Variants in TP73 observed in about 807,000 individuals in gnomAD.
TP73 encodes tumor protein p73, also known as p53-like transcription factor.
In TP73, 25 loss-of-function variants were observed where a neutral mutation model predicts 62.5. That is an observed-to-expected ratio of 0.40 (90% CI 0.29 to 0.56). The LOEUF (loss-of-function observed/expected upper bound fraction) is 0.56, where lower values mean the gene tolerates loss of function less well. Ranked by LOEUF, TP73 falls within the 20% of genes least tolerant of loss-of-function variation. The probability of loss-of-function intolerance (pLI) is 0.46; values close to 1 mark genes in which losing one functional copy is unlikely to be tolerated. For missense variants in TP73, 754 were observed against 913.3 expected (o/e 0.83, Z 2.25); for synonymous variants, 423 against 377.5 (o/e 1.12, Z -1.40).
At chr1:3,690,747 C>A in intron 3 of TP73, 1 of 1,452,732 alleles carries the variant, frequency 6.9e-7, no homozygotes, top group South Asian at 1.4e-5. Flanking sequence ...TGTTCCCCAG[C>A]ATCCTCGGCT....
intron 1 of TP73, among the ~76,000 whole-genome samples, chr1:3,673,921 T>C (rs981564756): frequency 3.9e-5 from 6 of 152,068 alleles, no homozygotes; most frequent in Non-Finnish European, 8.8e-5. Flanking sequence ...GGCCCGTGCC[T>C]CCCTTGCTCA....
intron 3 of TP73, chr1:3,697,945 A>G: frequency 3.5e-6 from 1 of 281,886 alleles, no homozygotes; most frequent in Non-Finnish European, 5.4e-6. Context: ...GGGCCATCGG[A>G]GGTGGCACGC....
intron 3 of TP73, among the ~76,000 whole-genome samples, chr1:3,698,564 C>G (rs537759879): frequency 6.6e-6 from 1 of 152,074 alleles, no homozygotes; most frequent in Non-Finnish European, 1.5e-5. Flanking sequence ...GAGCGGGATC[C>G]GGGAGGCAGG....
chr1:3,732,541 A>G (rs1041574039), intron 13 of TP73, among the ~76,000 whole-genome samples: 5 of 150,286 alleles, frequency 3.3e-5, no homozygotes, highest in African/African-American at 1.2e-4. Context: ...AGGGGGCTCC[A>G]TGTCTAACAC....
At chr1:3,727,502 T>C in intron 7 of TP73, 126 bp from the exon 8 acceptor site, 1 of 1,353,362 alleles carries the variant, frequency 7.4e-7, no homozygotes, top group Non-Finnish European at 1.0e-6. Context: ...CTGCCGGCAC[T>C]GGGTGCTCTG....
rs949044042 is a variant in TP73, at chr1:3,728,202, C to T, written c.1059C>T (p.Asp353=). The part of the protein sequence containing the change: ...GVKKRRHGDE[D]TYYLQVRGRE... The stretch of plus-strand genomic sequence containing the variant: ...AGAAGCGGCGGCATGGAGACGAGGA[C>T]ACGTACTACCTTCAGGTGAGTGTGT... Residue 353 remains aspartate (D), a synonymous_variant, in exon 9 of 14, where the codon GAC becomes GAT. Transcript: ENST00000378295. 13 of 1,611,818 alleles carry T rather than the reference C, an allele frequency of 8.1e-6. No homozygotes were observed. Among genetic ancestry groups the T allele is most frequent in the Non-Finnish European group, 1.0e-5 (12 of 1,179,966 alleles).
chr1:3,684,714 G>A (rs999611225), intron 3 of TP73, among the ~76,000 whole-genome samples: 5 of 152,130 alleles, frequency 3.3e-5, no homozygotes, highest in Non-Finnish European at 7.4e-5. Flanking sequence ...CCTCCGAGGA[G>A]CCCCTCAGCC....
At chr1:3,684,526 G>A (rs571357162) in intron 3 of TP73, among the ~76,000 whole-genome samples, 117 of 152,320 alleles carry the variant, frequency 7.7e-4, no homozygotes, top group African/African-American at 2.7e-3. Flanking sequence ...AGCACTGGAG[G>A]GAGTGGGGGC....
chr1:3,691,717 C>T (rs12126706), intron 3 of TP73, among the ~76,000 whole-genome samples: 38,469 of 152,102 alleles, frequency 0.25, 5,156 homozygotes, highest in South Asian at 0.33. Flanking sequence ...CACGTGGGGC[C>T]GTTCCTCCTC....
intron 1 of TP73, among the ~76,000 whole-genome samples, chr1:3,653,355 C>A (rs1009936661): frequency 6.6e-6 from 1 of 152,112 alleles, no homozygotes; most frequent in African/African-American, 2.4e-5. Flanking sequence ...GCTCCTGGGC[C>A]GCCTCCTCCT....
intron 1 of TP73, among the ~76,000 whole-genome samples, chr1:3,657,660 C>T (rs774632630): frequency 6.6e-6 from 1 of 152,210 alleles, no homozygotes; most frequent in Non-Finnish European, 1.5e-5. Flanking sequence ...GGGGCCATGG[C>T]GCAAACGGGG....
rs1345301141 is a variant in TP73, at chr1:3,735,793, C to G, written c.*2714C>G. On this transcript the variant is annotated 3_prime_UTR_variant, in exon 14 of 14. Transcript: ENST00000378295. ...GGCAGAAGGAGCTCGCCAGGCAGGTCAGCTCACATCTGTCCAAGTCGCTCT... is the reference window on the plus strand; with the variant it reads ...GGCAGAAGGAGCTCGCCAGGCAGGTGAGCTCACATCTGTCCAAGTCGCTCT... 1.3e-5 allele frequency: 2 copies of G among 152,170 alleles called. No homozygotes were observed. The highest frequency in any genetic ancestry group is 4.8e-5 in the African/African-American group (2 of 41,436). 9.4% of individuals were successfully genotyped at this position (152,170 alleles called of 1,614,324 possible). A position where few individuals can be genotyped will look rare whatever the true frequency, so the allele number is the denominator to read the frequency against.
rs1192597749 is a variant in TP73, at chr1:3,732,682, A to C, written c.1579-65A>C. ...GTGGTGTGGCCAGACCTCCAGGCCC[A>C]GGGCGACCCCCCCTGCTCTCCCTGC... On this transcript the variant is annotated intron_variant, in intron 13 of 13. Coordinates refer to ENST00000378295, the MANE Select transcript of TP73 (RefSeq NM_005427.4). 3 of 1,454,204 alleles carry C rather than the reference A, an allele frequency of 2.1e-6. No homozygotes were observed. In the African/African-American group the frequency reaches 4.2e-5, roughly 21 times the overall value. The allele number at this position is 1,454,204 out of a possible 1,614,324, so 90.1% of individuals were successfully genotyped here.
intron 1 of TP73, among the ~76,000 whole-genome samples, chr1:3,674,990 G>T (rs1050968915): frequency 2.0e-5 from 3 of 151,972 alleles, no homozygotes; most frequent in Admixed American, 6.5e-5. Context: ...GATTGAGACG[G>T]TCTCCTCCCA....
rs570769619 is a variant in TP73 at position 3,735,387 on chromosome 1, T to C, written c.*2308T>C. The C allele has an allele frequency of 8.8e-6, 1 of 113,354 alleles. No individual in the cohort carries two copies. The highest frequency in any genetic ancestry group is 3.0e-4 in the East Asian group (1 of 3,364). 7.0% of individuals were successfully genotyped at this position (113,354 alleles called of 1,614,324 possible). ...CCTGTAGTGTGCTCCTGGGAAGGGC[T>C]GGGGGGGCTGGGGGGGCTGGGAGAG... On this transcript the variant is annotated 3_prime_UTR_variant, in exon 14 of 14. Coordinates refer to ENST00000378295, the MANE Select transcript of TP73 (RefSeq NM_005427.4).
chr1:3,673,547 G>A (rs990224261), intron 1 of TP73, among the ~76,000 whole-genome samples: 1 of 152,216 alleles, frequency 6.6e-6, no homozygotes, highest in African/African-American at 2.4e-5. Context: ...GGAAACAGAG[G>A]CTCAGAATGG....
intron 12 of TP73, among the ~76,000 whole-genome samples, 187 bp downstream of exon 12, chr1:3,731,252 G>A (rs547511803): frequency 6.6e-6 from 1 of 152,266 alleles, no homozygotes; most frequent in Non-Finnish European, 1.5e-5. Context: ...CCACTTAGAG[G>A]AAAAGCACAA....
rs539512951 is a variant in TP73, at chr1:3,656,038, G to A, written c.-34+3397G>A. Among the ~76,000 whole-genome samples, 374 of 152,236 alleles carry A rather than the reference G, an allele frequency of 2.5e-3. 6 individuals carry two copies. Among genetic ancestry groups the A allele is most frequent in the African/African-American group, 8.2e-3 (339 of 41,514 alleles). On this transcript the variant is annotated intron_variant, in intron 1 of 13. Transcript: ENST00000378295. ...TAAAAATACAAAAAATTAGTCGGGC[G>A]TGGTGCGGGCACCTGTAGTCCCAGC...
intron 6 of TP73, 51 bp downstream of exon 6, chr1:3,723,520 TC>T (rs751441991): frequency 5.6e-5 from 33 of 587,988 alleles, no homozygotes; most frequent in Admixed American, 7.9e-5. Flanking sequence ...GCTGTACGGG[TC>T]GGGGGAGGGG....
Sources: gnomAD v4.1 joint callset for allele counts (sites outside exome capture counted in the v4.1 genomes callset) on GRCh38, gnomAD v4.1.1 for gene constraint, MANE v1.5 for transcripts, NCBI Gene and HGNC (gene_info 2026-07-23, HGNC 2026-07-21) for gene names.